AQR: variants seen among roughly 807,000 people sequenced by gnomAD.
The protein encoded by AQR is RNA helicase aquarius.
A neutral mutation model predicts 180.5 loss-of-function variants in AQR; 61 were observed. That is an observed-to-expected ratio of 0.34 (90% CI 0.28 to 0.42). The LOEUF is 0.42. Ranked by LOEUF, AQR falls within the 10% of genes least tolerant of loss-of-function variation. The pLI is 1.00. For missense variants in AQR, 1,281 were observed against 1,798.3 expected (o/e 0.71, Z 5.20); for synonymous variants, 551 against 588.8 (o/e 0.94, Z 0.93).
intron 11 of AQR, among the ~76,000 whole-genome samples, chr15:34,930,961 G>C (rs930476182): frequency 6.6e-6 from 1 of 151,194 alleles, no homozygotes. Context: ...CTCAGCCTCC[G>C]GAGTAGCTGG....
intron 6 of AQR, among the ~76,000 whole-genome samples, chr15:34,942,764 C>T (rs1428301894): frequency 1.3e-5 from 2 of 152,178 alleles, no homozygotes; most frequent in African/African-American, 4.8e-5. Flanking sequence ...ATGACCAAGG[C>T]TTGCAGGAAC....
At chr15:34,947,374 G>C (rs973093787) in intron 5 of AQR, among the ~76,000 whole-genome samples, 3 of 150,268 alleles carry the variant, frequency 2.0e-5, no homozygotes, top group Admixed American at 6.6e-5. Flanking sequence ...CAAACACTGC[G>C]GAAGGCCACA....
At position 34,931,669 on chromosome 15, in the gene AQR, G is replaced by A. The variant is rs529472136; in HGVS notation, c.900+649C>T. On this transcript the variant is annotated intron_variant, in intron 11 of 34. Coordinates refer to ENST00000156471, the MANE Select transcript of AQR (RefSeq NM_014691.3). ...TAAAAATACAAAACATTACCCGGGC[G>A]TGGCGGTGCATGCCTGTAATTCCGG... Among the ~76,000 whole-genome samples the A allele has an allele frequency of 4.6e-5, 7 of 152,224 alleles. No homozygotes were observed. In the East Asian group the frequency reaches 1.4e-3, roughly 29 times the overall value.
intron 18 of AQR, 110 bp from the exon 19 acceptor site, chr15:34,904,615 TC>T (rs1164735503): frequency 6.9e-6 from 7 of 1,010,018 alleles, no homozygotes; most frequent in Non-Finnish European, 9.9e-6. Flanking sequence ...CAGGCTTAAC[TC>T]CAACCATTCT....
intron 13 of AQR, among the ~76,000 whole-genome samples, chr15:34,922,821 A>C (rs753172377): frequency 6.6e-6 from 1 of 152,120 alleles, no homozygotes; most frequent in Non-Finnish European, 1.5e-5. Flanking sequence ...TCCATTAAAA[A>C]AAAAACAAAT....
At chr15:34,930,398 A>C in intron 11 of AQR, 27 bp from the exon 12 acceptor site, 1 of 1,306,730 alleles carries the variant, frequency 7.7e-7, no homozygotes, top group Non-Finnish European at 1.1e-6. Context: ...ACATGTATAA[A>C]TCATATGAAC....
chr15:34,897,814 C>A, intron 20 of AQR, 109 bp from the exon 21 acceptor site: 1 of 1,250,232 alleles, frequency 8.0e-7, no homozygotes, highest in East Asian at 2.4e-5. Flanking sequence ...AGAAACATTT[C>A]TGGCTTAAAG....
chr15:34,943,142 T>A, intron 6 of AQR: 1 of 1,611,332 alleles, frequency 6.2e-7, no homozygotes, highest in Non-Finnish European at 8.5e-7. Context: ...ACCAACCCCA[T>A]AAAGTGACAC....
chr15:34,878,764 C>T (rs990619625), intron 27 of AQR, among the ~76,000 whole-genome samples: 1 of 152,156 alleles, frequency 6.6e-6, no homozygotes, highest in African/African-American at 2.4e-5. Flanking sequence ...GGTGCAGTTG[C>T]TCATGCCTGT....
chr15:34,904,572 T>C (rs1312595960), intron 18 of AQR, 67 bp from the exon 19 acceptor site: 34 of 1,431,016 alleles, frequency 2.4e-5, no homozygotes, highest in Non-Finnish European at 3.2e-5. Flanking sequence ...AAGTTAACAG[T>C]ATTTCTTTTC....
At chr15:34,900,925 T>C (rs1893322915) in intron 19 of AQR, 62 bp from the exon 20 acceptor site, 2 of 1,520,210 alleles carry the variant, frequency 1.3e-6, no homozygotes, top group East Asian at 4.6e-5. Context: ...TTGCACTTAC[T>C]GGAATGCAGA....
rs1314698838 is a variant in AQR at position 34,951,539 on chromosome 15, C to T, written c.209+1346G>A. Among the ~76,000 whole-genome samples the T allele has an allele frequency of 7.9e-5, 12 of 152,112 alleles. No homozygotes were observed. The South Asian group carries it at 1.0e-3, about 13-fold the overall frequency. ...TACAAAAATTAGCCAGGCGTGATGGCGCACACCTGTAATCCCAGCTACTCA... is the reference window on the plus strand; with the variant it reads ...TACAAAAATTAGCCAGGCGTGATGGTGCACACCTGTAATCCCAGCTACTCA... On this transcript the variant is annotated intron_variant, in intron 4 of 34. Coordinates refer to ENST00000156471, the MANE Select transcript of AQR (RefSeq NM_014691.3).
intron 21 of AQR, 116 bp downstream of exon 21, chr15:34,897,443 A>G: frequency 8.2e-7 from 1 of 1,221,054 alleles, no homozygotes; most frequent in Non-Finnish European, 1.2e-6. Context: ...AAGAGGGTTC[A>G]GAAACAGGAG....
chr15:34,955,156 A>C (rs906776931), intron 3 of AQR, among the ~76,000 whole-genome samples: 3 of 152,138 alleles, frequency 2.0e-5, no homozygotes, highest in African/African-American at 7.2e-5. Flanking sequence ...AAGTATGAAA[A>C]GTTACAAACA....
intron 1 of AQR, among the ~76,000 whole-genome samples, chr15:34,968,715 C>G (rs1331482737): frequency 6.6e-6 from 1 of 152,064 alleles, no homozygotes; most frequent in Non-Finnish European, 1.5e-5. Context: ...CAATGGCAAC[C>G]AAGCTTAGGG....
intron 25 of AQR, among the ~76,000 whole-genome samples, chr15:34,885,017 C>T (rs1893037633): frequency 6.6e-6 from 1 of 152,072 alleles, no homozygotes; most frequent in Admixed American, 6.5e-5. Context: ...TCCGACAGTT[C>T]AGATTCTCCA....
At chr15:34,911,963 G>C (rs1432647387) in intron 16 of AQR, among the ~76,000 whole-genome samples, 1 of 151,950 alleles carries the variant, frequency 6.6e-6, no homozygotes, top group African/African-American at 2.4e-5. Flanking sequence ...GTTAACTTTT[G>C]TGTATCATGT....
intron 25 of AQR, 70 bp from the exon 26 acceptor site, chr15:34,884,804 C>T (rs1354077940): frequency 8.4e-7 from 1 of 1,190,674 alleles, no homozygotes; most frequent in African/African-American, 1.6e-5. Flanking sequence ...ATGAATAAAT[C>T]TTATAAAAAC....
At chr15:34,914,729 G>A (rs74426365) in intron 16 of AQR, among the ~76,000 whole-genome samples, 3,654 of 152,006 alleles carry the variant, frequency 0.024, 93 homozygotes, top group Non-Finnish European at 0.028. Context: ...CCTTCCAATC[G>A]GCCTTTAAGT....
Sources: allele counts gnomAD v4.1 joint callset (sites outside exome capture counted in the v4.1 genomes callset), GRCh38; gene constraint gnomAD v4.1.1; transcripts MANE v1.5; gene names NCBI Gene and HGNC (gene_info 2026-07-23, HGNC 2026-07-21).